ZBTB24: variants seen among roughly 807,000 people sequenced by gnomAD.
The protein encoded by ZBTB24 is zinc finger and BTB domain containing 24.
ZBTB24 carries 32 observed loss-of-function variants against 53.8 expected under a neutral mutation model. The ratio of observed to expected loss-of-function variants is 0.60; its 90% CI spans 0.45 to 0.80. The LOEUF (loss-of-function observed/expected upper bound fraction) is 0.80, where lower values mean the gene tolerates loss of function less well. Among genes scored for constraint, ZBTB24 ranks in the 30% least tolerant of loss-of-function variants. The pLI is 0.00. For synonymous variants in ZBTB24, 297 were observed against 306.7 expected (o/e 0.97, Z 0.33); for missense variants, 722 against 837.1 (o/e 0.86, Z 1.70).
chr6:109,477,501 G>A (rs1221340551), intron 2 of ZBTB24, among the ~76,000 whole-genome samples: 1 of 152,094 alleles, frequency 6.6e-6, no homozygotes, highest in African/African-American at 2.4e-5. Context: ...AGGAATTGGT[G>A]GCACCTGCTA....
Position 109,465,986 on chromosome 6 carries a change from C to A in ZBTB24, c.1959G>T (p.Glu653Asp). Residue 653 changes from glutamate to aspartate, a missense_variant, in exon 7 of 7, where the codon GAG (glutamate) becomes GAT (aspartate). Coordinates refer to ENST00000230122, the MANE Select transcript of ZBTB24 (RefSeq NM_014797.3). The part of the protein sequence containing the change: ...ETLEHLHAHQ[E>D]QTEELHLATS... ...TAGCTAAATGGAGCTCCTCTGTTTG[C>A]TCTTGATGGGCATGAAGATGTTCCA... The A allele has an allele frequency of 2.5e-6, 4 of 1,614,210 alleles. No individual in the cohort carries two copies. The highest frequency in any genetic ancestry group is 3.4e-6 in the Non-Finnish European group (4 of 1,180,040).
chr6:109,470,449 C>T (rs952904397), intron 5 of ZBTB24, among the ~76,000 whole-genome samples: 2 of 152,232 alleles, frequency 1.3e-5, no homozygotes, highest in Non-Finnish European at 2.9e-5. Flanking sequence ...CCGGACCCCA[C>T]TCCAGATAGG....
At position 109,465,841 on chromosome 6, in the gene ZBTB24, T is replaced by C; in HGVS notation, c.*10A>G. On this transcript the variant is annotated 3_prime_UTR_variant, in exon 7 of 7. Transcript: ENST00000230122. ...AAGAGCCCAATCAAGCAGTCAAACGTGTTTACAGGTCAGCTCTGCTCCTGG... is the reference window on the plus strand; with the variant it reads ...AAGAGCCCAATCAAGCAGTCAAACGCGTTTACAGGTCAGCTCTGCTCCTGG... The C allele has an allele frequency of 6.2e-7, 1 of 1,614,104 alleles. No homozygotes were observed. The highest frequency in any genetic ancestry group is 1.1e-5 in the South Asian group (1 of 91,080).
chr6:109,465,327 T>A lies in ZBTB24; in HGVS notation c.*524A>T, dbSNP rs561019326. 9.2e-6 allele frequency: 3 copies of A among 324,464 alleles called. No homozygotes were observed. In the East Asian group the frequency reaches 1.9e-4, roughly 21 times the overall value. The allele number at this position is 324,464 out of a possible 1,614,324, so 20.1% of individuals were successfully genotyped here. On this transcript the variant is annotated 3_prime_UTR_variant, in exon 7 of 7. Transcript: ENST00000230122. ...TGAGGGTTACTTTGTCTTAGGGGAC[T>A]GGAAATTATTAAAAGGGCAAATTCC...
chr6:109,481,025 C>A, intron 2 of ZBTB24, 50 bp downstream of exon 2: 1 of 1,603,904 alleles, frequency 6.2e-7, no homozygotes, highest in South Asian at 1.1e-5. Flanking sequence ...ATTATCATCA[C>A]TACTCCCAAT....
rs765355172 is a variant in ZBTB24 at position 109,465,676 on chromosome 6, A to AT, written c.*174dup. 1 of 1,589,704 alleles carries AT rather than the reference A, an allele frequency of 6.3e-7. No homozygotes were observed. The highest frequency in any genetic ancestry group is 1.1e-5 in the South Asian group (1 of 89,798). On this transcript the variant is annotated 3_prime_UTR_variant, in exon 7 of 7. Transcript: ENST00000230122. ...TACAAATCAGTACCTTAGACAAGAC[A>AT]TACACACATCTTGCTACCTGGATGG...
Position 109,463,690 on chromosome 6 carries a change from T to C in ZBTB24, c.*2161A>G, listed in dbSNP as rs1371648634. On this transcript the variant is annotated 3_prime_UTR_variant, in exon 7 of 7. Coordinates refer to ENST00000230122, the MANE Select transcript of ZBTB24 (RefSeq NM_014797.3). ...ATGAACATTAGCATCCAAATGGAGA[T>C]GTGCAGAAAGTGTAAAATACACACC... 2.0e-5 allele frequency: 3 copies of C among 152,212 alleles called. No individual in the cohort carries two copies. The highest frequency in any genetic ancestry group is 2.9e-5 in the Non-Finnish European group (2 of 68,042). The allele number at this position is 152,212 out of a possible 1,614,324, so 9.4% of individuals were successfully genotyped here.
intron 5 of ZBTB24, among the ~76,000 whole-genome samples, chr6:109,471,273 T>A (rs1776159757): frequency 1.3e-5 from 2 of 152,236 alleles, no homozygotes; most frequent in Non-Finnish European, 2.9e-5. Flanking sequence ...CTGTCCTGTG[T>A]TCACACCTCT....
chr6:109,475,371 T>TG (rs776783913), intron 5 of ZBTB24, 28 bp downstream of exon 5: 2 of 1,613,152 alleles, frequency 1.2e-6, no homozygotes, highest in South Asian at 1.1e-5. Flanking sequence ...TCCCGTGTAC[T>TG]GGGGGGACAG....
chr6:109,478,774 A>C (rs1490516174), intron 2 of ZBTB24, among the ~76,000 whole-genome samples: 1 of 152,142 alleles, frequency 6.6e-6, no homozygotes, highest in Non-Finnish European at 1.5e-5. Context: ...GATTTAAAAA[A>C]AAAACACCAG....
rs905155165 is a variant in ZBTB24, at chr6:109,481,271, T to G, written c.756A>C (p.Arg252=). ...ATCTCCAAATCCTCCGCTTGCTGTATCGACTCTGGCTTGCCTGGCCATCCT... is the reference window on the plus strand; with the variant it reads ...ATCTCCAAATCCTCCGCTTGCTGTAGCGACTCTGGCTTGCCTGGCCATCCT... ...KTEDGQASQS[R]YSKRRIWRSV... is the part of the protein sequence containing the mutation. The change falls in exon 2 of 7, where the codon CGA becomes CGC. Residue 252 remains arginine (R), a synonymous_variant. Transcript: ENST00000230122. The G allele has an allele frequency of 6.2e-7, 1 of 1,614,114 alleles. No individual in the cohort carries two copies.
intron 4 of ZBTB24, 30 bp downstream of exon 4, chr6:109,476,145 C>T (rs759106243): frequency 6.2e-7 from 1 of 1,608,064 alleles, no homozygotes; most frequent in African/African-American, 1.3e-5. Flanking sequence ...TTTCTTCCCC[C>T]CCAATCTAAA....
Position 109,481,675 on chromosome 6 carries a change from CTT to C in ZBTB24, c.350_351del (p.Lys117SerfsTer3). 6.2e-7 allele frequency: 1 copy of C among 1,614,208 alleles called. No homozygotes were observed. Among genetic ancestry groups the C allele is most frequent in the Non-Finnish European group, 8.5e-7 (1 of 1,180,038 alleles). On this transcript the variant is annotated frameshift_variant, in exon 2 of 7. Transcript: ENST00000230122. LOFTEE classifies it high-confidence loss of function. The part of the protein sequence containing the change: ...EQILATAQFL[K>X]VYDLVKAYTD... Reference sequence around the variant, plus strand: ...GTGTAAGCCTTTACCAGGTCATAGACTTTTAAGAACTGAGCAGTAGCCAGGAT... The same window carrying C: ...GTGTAAGCCTTTACCAGGTCATAGACTTAAGAACTGAGCAGTAGCCAGGAT...
intron 2 of ZBTB24, among the ~76,000 whole-genome samples, chr6:109,480,232 ATTAAG>A (rs1776372645): frequency 6.6e-6 from 1 of 152,152 alleles, no homozygotes; most frequent in Non-Finnish European, 1.5e-5. Context: ...TAAGATTACA[ATTAAG>A]TTGAGGGATA....
Position 109,466,419 on chromosome 6 carries a change from A to G in ZBTB24, c.1526T>C (p.Leu509Ser). Residue 509 changes from leucine (L) to serine (S), a missense_variant, in exon 7 of 7, where the codon TTG becomes TCG. Physicochemically the swap from Leu to Ser is moderately radical, Grantham distance 145 (BLOSUM62 -2). Coordinates refer to ENST00000230122, the MANE Select transcript of ZBTB24 (RefSeq NM_014797.3). ...FARLDNLKAH[L>S]KIHSKEKHAS... ...ATGCTTCTCCTTGCTATGAATTTTC[A>G]AGTGAGCCTTCAAGTTGTCTAAGCG... 1 of 1,614,170 alleles carries G rather than the reference A, an allele frequency of 6.2e-7. No individual in the cohort carries two copies. The highest frequency in any genetic ancestry group is 8.5e-7 in the Non-Finnish European group (1 of 1,180,034).
intron 5 of ZBTB24, among the ~76,000 whole-genome samples, chr6:109,472,185 G>A (rs1454610789): frequency 1.3e-5 from 2 of 152,066 alleles, no homozygotes; most frequent in Admixed American, 6.6e-5. Context: ...GAAATGGCAC[G>A]CCAATGCCCT....
intron 1 of ZBTB24, among the ~76,000 whole-genome samples, chr6:109,482,368 C>T (rs1776441073): frequency 1.3e-5 from 2 of 151,946 alleles, no homozygotes; most frequent in Non-Finnish European, 2.9e-5. Context: ...CAGGAGGCTG[C>T]GGCAGGAGCA....
At chr6:109,473,097 T>C (rs983639721) in intron 5 of ZBTB24, among the ~76,000 whole-genome samples, 2 of 152,194 alleles carry the variant, frequency 1.3e-5, no homozygotes, top group East Asian at 3.9e-4. Context: ...CAATCTTTAC[T>C]GTGGCCTTCA....
chr6:109,476,279 C>G, intron 3 of ZBTB24, 21 bp from the exon 4 acceptor site: 2 of 1,613,232 alleles, frequency 1.2e-6, no homozygotes, highest in Non-Finnish European at 1.7e-6. Context: ...AACCAAAACA[C>G]TAAAACATGT....
Sources: gnomAD v4.1 joint callset for allele counts (sites outside exome capture counted in the v4.1 genomes callset) on GRCh38, gnomAD v4.1.1 for gene constraint, MANE v1.5 for transcripts, NCBI Gene and HGNC (gene_info 2026-07-23, HGNC 2026-07-21) for gene names.